Variants in FREM1 observed in about 807,000 individuals in gnomAD.
FREM1 encodes FRAS1-related extracellular matrix protein 1.
A neutral mutation model predicts 210.1 loss-of-function variants in FREM1; 220 were observed. The observed-to-expected ratio is 1.05, with a 90% CI of 0.94 to 1.17. FREM1 has a LOEUF of 1.17. Ranked by LOEUF, FREM1 falls within the 50% of genes most tolerant of loss-of-function variation. The probability of loss-of-function intolerance (pLI) is 0.00; values close to 1 mark genes in which losing one functional copy is unlikely to be tolerated. For synonymous variants in FREM1, 1,189 were observed against 980.2 expected (o/e 1.21, Z -3.98); for missense variants, 3,454 against 2,675.5 (o/e 1.29, Z -6.42).
intron 5 of FREM1, among the ~76,000 whole-genome samples, chr9:14,853,005 G>C (rs1427912116): frequency 6.6e-6 from 1 of 152,230 alleles, no homozygotes; most frequent in African/African-American, 2.4e-5. Context: ...AGAAAGGTAA[G>C]AAAAAGATTG....
intron 35 of FREM1, among the ~76,000 whole-genome samples, 200 bp from the exon 36 acceptor site, chr9:14,740,434 G>C (rs1353591698): frequency 1.3e-5 from 2 of 152,164 alleles, no homozygotes; most frequent in Non-Finnish European, 2.9e-5. Flanking sequence ...GAAAGTGATG[G>C]TTTATTATAA....
intron 1 of FREM1, among the ~76,000 whole-genome samples, chr9:14,904,282 C>T (rs1817306389): frequency 6.6e-6 from 1 of 152,090 alleles, no homozygotes; most frequent in Non-Finnish European, 1.5e-5. Flanking sequence ...TTGGTTCTCT[C>T]TGGTTAAACA....
At chr9:14,828,690 T>G (rs1255870175) in intron 10 of FREM1, among the ~76,000 whole-genome samples, 2 of 150,902 alleles carry the variant, frequency 1.3e-5, no homozygotes, top group African/African-American at 5.0e-5. Flanking sequence ...ATGTATAAAT[T>G]TATTTATGGA....
intron 15 of FREM1, among the ~76,000 whole-genome samples, chr9:14,814,606 C>T (rs538160838): frequency 1.1e-3 from 169 of 152,234 alleles, no homozygotes; most frequent in Non-Finnish European, 2.1e-3. Context: ...AAGAAAAAAC[C>T]ATCTTTGTTC....
At chr9:14,803,070 T>TCTCG (rs201479215) in intron 19 of FREM1, among the ~76,000 whole-genome samples, 1 of 142,792 alleles carries the variant, frequency 7.0e-6, no homozygotes. Flanking sequence ...CTTTTCTTTC[T>TCTCG]TTCTCTTTCC....
chr9:14,869,064 C>T lies in FREM1; in HGVS notation c.-87G>A, dbSNP rs1832098776. The T allele has an allele frequency of 2.2e-6, 2 of 899,276 alleles. No homozygotes were observed. The highest frequency in any genetic ancestry group is 1.8e-5 in the South Asian group (1 of 57,124). 55.7% of individuals were successfully genotyped at this position (899,276 alleles called of 1,614,324 possible). A position where few individuals can be genotyped will look rare whatever the true frequency, so the allele number is the denominator to read the frequency against. The stretch of plus-strand genomic sequence containing the variant: ...TGTGCTTCCTCCTGGAGGGTCAGCT[C>T]ATAGTCCAAGGGGCAGGGTGAGGGG... On this transcript the variant is annotated 5_prime_UTR_variant, in exon 2 of 37. It removes an upstream start codon present in the reference 5' UTR. Transcript: ENST00000380880.
intron 36 of FREM1, among the ~76,000 whole-genome samples, chr9:14,737,904 G>A (rs1162015124): frequency 6.6e-6 from 1 of 152,088 alleles, no homozygotes; most frequent in Non-Finnish European, 1.5e-5. Context: ...GATTAAAAAA[G>A]ATAATGCATG....
chr9:14,906,169 G>A (rs1178126706), intron 1 of FREM1, among the ~76,000 whole-genome samples: 1 of 152,172 alleles, frequency 6.6e-6, no homozygotes, highest in East Asian at 1.9e-4. Context: ...ATCTAGTGAG[G>A]TAAGTATCAA....
chr9:14,853,781 A>G (rs1035293863), intron 5 of FREM1, among the ~76,000 whole-genome samples: 1 of 152,252 alleles, frequency 6.6e-6, no homozygotes, highest in Admixed American at 6.5e-5. Context: ...GGTTTAGAGT[A>G]TCTAATCTTC....
chr9:14,873,036 A>G (rs1404332961), intron 1 of FREM1, among the ~76,000 whole-genome samples: 2 of 152,114 alleles, frequency 1.3e-5, no homozygotes, highest in Non-Finnish European at 2.9e-5. Context: ...ATCATGGTGG[A>G]TAAGCTTTTT....
Position 14,842,616 on chromosome 9 carries a change from C to G in FREM1, c.1438G>C (p.Val480Leu). ...LFTVADLQAGVVRYHHDDSDS... is the reference protein window; with the variant it reads ...LFTVADLQAGLVRYHHDDSDS... ...CTGTCATCATGATGATAGCGAACAA[C>G]TCCAGCCTGGAGGTCAGCCACGGTG... is the stretch of plus-strand genomic sequence containing the variant. The change falls in exon 9 of 37, where the codon GTT (valine) becomes CTT (leucine). Residue 480 changes from valine (V) to leucine (L), a missense_variant. Physicochemically the swap from Val to Leu is conservative, Grantham distance 32 (BLOSUM62 1). Coordinates refer to ENST00000380880, the MANE Select transcript of FREM1 (RefSeq NM_001379081.2). 6.2e-7 allele frequency: 1 copy of G among 1,613,924 alleles called. No homozygotes were observed.
chr9:14,775,894 C>G lies in FREM1; in HGVS notation c.4752G>C (p.Gly1584=), dbSNP rs750470197. The change falls in exon 25 of 37, where the codon GGG becomes GGC. Residue 1584 remains glycine (G), a synonymous_variant. Coordinates refer to ENST00000380880, the MANE Select transcript of FREM1 (RefSeq NM_001379081.2). The stretch of plus-strand genomic sequence containing the variant: ...AAGTAAAGCAGTCAGTCTGGGAGTC[C>G]CCTCCTGAGTGCCGATAGGCCACAT... ...SKNVAYRHSG[G]DSQTDCFTFM... 1 of 1,613,872 alleles carries G rather than the reference C, an allele frequency of 6.2e-7. No homozygotes were observed. The highest frequency in any genetic ancestry group is 2.2e-5 in the East Asian group (1 of 44,872).
intron 24 of FREM1, among the ~76,000 whole-genome samples, chr9:14,783,704 T>A (rs1010340880): frequency 6.6e-6 from 1 of 152,212 alleles, no homozygotes; most frequent in African/African-American, 2.4e-5. Flanking sequence ...GAATGTAGAT[T>A]TTCATTAATG....
At position 14,780,371 on chromosome 9, in the gene FREM1, G is replaced by C. The variant is rs191362388; in HGVS notation, c.4442+3999C>G. Among the ~76,000 whole-genome samples the C allele has an allele frequency of 3.0e-3, 444 of 146,134 alleles. 2 individuals are homozygous for C. Among genetic ancestry groups the C allele is most frequent in the Admixed American group, 4.5e-3 (64 of 14,262 alleles). ...CCTGGCAATAGAGTTGGCTGAAGAA[G>C]CTGCCATCTGTCATGGCATTTAAGA... On this transcript the variant is annotated intron_variant, in intron 24 of 36. Transcript: ENST00000380880.
intron 1 of FREM1, among the ~76,000 whole-genome samples, chr9:14,897,708 A>G (rs1340818154): frequency 6.6e-6 from 1 of 152,004 alleles, no homozygotes; most frequent in Admixed American, 6.6e-5. Context: ...CTCCCACCTC[A>G]GCTTCCTGAG....
In FREM1 at chr9:14,816,767, T is replaced by C; in HGVS notation, c.2640+11A>G. 2.2e-6 allele frequency: 3 copies of C among 1,363,490 alleles called. No individual in the cohort carries two copies. The highest frequency in any genetic ancestry group is 2.9e-6 in the Non-Finnish European group (3 of 1,027,850). The allele number at this position is 1,363,490 out of a possible 1,614,324, so 84.5% of individuals were successfully genotyped here. ...TAAGACAATAACCCAGGGAAGAAAC[T>C]TTCTACCCACCTCAACATGTAGTAC... On this transcript the variant is annotated intron_variant, in intron 15 of 36. Coordinates refer to ENST00000380880, the MANE Select transcript of FREM1 (RefSeq NM_001379081.2).
chr9:14,894,425 T>A (rs1162878550), intron 1 of FREM1, among the ~76,000 whole-genome samples: 1 of 152,224 alleles, frequency 6.6e-6, no homozygotes, highest in East Asian at 1.9e-4. Flanking sequence ...AGGTAGCTTA[T>A]AATCAGCTAT....
chr9:14,747,132 A>C (rs1005547572), intron 33 of FREM1, 81 bp from the exon 34 acceptor site: 1 of 1,596,862 alleles, frequency 6.3e-7, no homozygotes, highest in Non-Finnish European at 8.6e-7. Context: ...TTGGGTCTTC[A>C]TTTGTTGGGA....
intron 3 of FREM1, among the ~76,000 whole-genome samples, chr9:14,860,944 TACACATATACACATATATAC>T (rs1830121227): frequency 8.1e-6 from 1 of 123,610 alleles, no homozygotes; most frequent in African/African-American, 3.4e-5. Flanking sequence ...TACACACATA[TACACATATACACATATATAC>T]ACATATATAC....
Sources: gnomAD v4.1 joint callset for allele counts (sites outside exome capture counted in the v4.1 genomes callset) on GRCh38, gnomAD v4.1.1 for gene constraint, MANE v1.5 for transcripts, NCBI Gene and HGNC (gene_info 2026-07-23, HGNC 2026-07-21) for gene names.